Variants in CSMD1 observed in about 807,000 individuals in gnomAD.
CSMD1 encodes CUB and Sushi multiple domains 1.
A neutral mutation model predicts 417.5 loss-of-function variants in CSMD1; 213 were observed. That is an observed-to-expected ratio of 0.51 (90% CI 0.46 to 0.57). The LOEUF (loss-of-function observed/expected upper bound fraction) is 0.57, where lower values mean the gene tolerates loss of function less well. CSMD1 is among the 20% of genes least tolerant of loss of function. CSMD1 has a pLI of 0.00. For missense variants in CSMD1, 6,923 were observed against 4,529.7 expected (o/e 1.53, Z -15.17); for synonymous variants, 2,862 against 1,736.8 (o/e 1.65, Z -16.11).
At chr8:3,644,166 G>A (rs1585009614) in intron 7 of CSMD1, among the ~76,000 whole-genome samples, 1 of 152,334 alleles carries the variant, frequency 6.6e-6, no homozygotes, top group East Asian at 1.9e-4. Context: ...GGCCCCCAAT[G>A]TAGACTTACT....
rs191147345 is a variant in CSMD1 at position 3,612,609 on chromosome 8, C to G, written c.1097+4101G>C. Among the ~76,000 whole-genome samples, 5 of 152,232 alleles carry G rather than the reference C, an allele frequency of 3.3e-5. No homozygotes were observed. The East Asian group carries it at 5.8e-4, about 18-fold the overall frequency. On this transcript the variant is annotated intron_variant, in intron 8 of 69. Transcript: ENST00000635120. ...AAGTTCAGATCCTTTAAAGCATAAT[C>G]TCTAACCATGCAGATTCTTAGAAAA...
chr8:4,105,456 T>C (rs149220457), intron 3 of CSMD1, among the ~76,000 whole-genome samples: 229 of 152,348 alleles, frequency 1.5e-3, no homozygotes, highest in African/African-American at 5.3e-3. Flanking sequence ...GATGTATTCA[T>C]TCAGTAAATA....
chr8:4,127,694 A>C (rs941793576), intron 3 of CSMD1, among the ~76,000 whole-genome samples: 55 of 152,314 alleles, frequency 3.6e-4, no homozygotes, highest in Middle Eastern at 3.4e-3. Flanking sequence ...AATAATAGGC[A>C]GTCATGATGA....
At chr8:3,087,678 T>A (rs1814642386) in intron 48 of CSMD1, among the ~76,000 whole-genome samples, 1 of 152,202 alleles carries the variant, frequency 6.6e-6, no homozygotes, top group Admixed American at 6.5e-5. Context: ...TTATAATGTT[T>A]TAAGAAAGTT....
chr8:4,646,449 C>A (rs961609991), intron 1 of CSMD1, among the ~76,000 whole-genome samples: 2 of 152,048 alleles, frequency 1.3e-5, no homozygotes, highest in African/African-American at 4.8e-5. Context: ...TAAAATGTTT[C>A]CCTAAGTAGT....
chr8:4,498,013 G>T (rs931644606), intron 2 of CSMD1, among the ~76,000 whole-genome samples: 7 of 152,042 alleles, frequency 4.6e-5, no homozygotes, highest in African/African-American at 1.7e-4. Context: ...TAAACGTCCC[G>T]CAGCCCCAGG....
chr8:4,559,823 G>C (rs1311914490), intron 2 of CSMD1, among the ~76,000 whole-genome samples: 1 of 152,210 alleles, frequency 6.6e-6, no homozygotes, highest in Non-Finnish European at 1.5e-5. Context: ...TTCACTTCGT[G>C]AAATTCTATT....
intron 6 of CSMD1, among the ~76,000 whole-genome samples, chr8:3,732,639 T>G (rs1469689965): frequency 6.6e-6 from 1 of 152,194 alleles, no homozygotes; most frequent in East Asian, 1.9e-4. Context: ...TTTGGTTTGT[T>G]TGCTTGTTTG....
intron 1 of CSMD1, among the ~76,000 whole-genome samples, chr8:4,745,828 G>A (rs558739473): frequency 3.9e-5 from 6 of 152,218 alleles, no homozygotes; most frequent in Non-Finnish European, 5.9e-5. Flanking sequence ...GAGGGGTGAA[G>A]AAGATGCAAA....
chr8:4,747,343 T>C (rs1563280274), intron 1 of CSMD1, among the ~76,000 whole-genome samples: 1 of 152,196 alleles, frequency 6.6e-6, no homozygotes, highest in East Asian at 1.9e-4. Flanking sequence ...GAATTTGCTA[T>C]ATGATAGTTA....
chr8:4,088,098 G>A (rs867227119), intron 3 of CSMD1, among the ~76,000 whole-genome samples: 4 of 152,216 alleles, frequency 2.6e-5, no homozygotes, highest in Non-Finnish European at 5.9e-5. Flanking sequence ...CACAAAAGGA[G>A]AAAGAGGAAG....
At chr8:3,786,897 TCC>T in intron 5 of CSMD1, among the ~76,000 whole-genome samples, 1 of 152,072 alleles carries the variant, frequency 6.6e-6, no homozygotes, top group Non-Finnish European at 1.5e-5. Context: ...AAGCCCCACC[TCC>T]TAATACTAGC....
intron 2 of CSMD1, among the ~76,000 whole-genome samples, chr8:4,486,020 T>C (rs1004402284): frequency 1.1e-4 from 17 of 151,616 alleles, no homozygotes; most frequent in Non-Finnish European, 5.9e-5. Flanking sequence ...GCAATTATTT[T>C]TTTCTAGCAA....
At chr8:3,222,864 C>G (rs1003343512) in intron 28 of CSMD1, among the ~76,000 whole-genome samples, 1 of 152,106 alleles carries the variant, frequency 6.6e-6, no homozygotes, top group African/African-American at 2.4e-5. Context: ...TGACTCAGAT[C>G]TCATCAGGAG....
chr8:2,938,426 T>C lies in CSMD1; in HGVS notation c.*159A>G. The stretch of plus-strand genomic sequence containing the variant: ...TTGATCCGTAGAAGACCCTGACACA[T>C]TTGAGTAGAGATCCCCGCTGCACTT... On this transcript the variant is annotated 3_prime_UTR_variant, in exon 70 of 70. Transcript: ENST00000635120. 1 of 671,692 alleles carries C rather than the reference T, an allele frequency of 1.5e-6. No individual in the cohort carries two copies. The highest frequency in any genetic ancestry group is 2.2e-5 in the South Asian group (1 of 45,078). The allele number at this position is 671,692 out of a possible 1,614,324, so 41.6% of individuals were successfully genotyped here.
intron 5 of CSMD1, among the ~76,000 whole-genome samples, chr8:3,874,069 G>A (rs867245524): frequency 2.0e-5 from 3 of 152,158 alleles, no homozygotes; most frequent in African/African-American, 7.2e-5. Flanking sequence ...CTCAAATTTA[G>A]GAAGTTCTCT....
Position 3,351,997 on chromosome 8 carries a change from C to CT in CSMD1, c.3305-3837dup, listed in dbSNP as rs151231853. On this transcript the variant is annotated intron_variant, in intron 21 of 69. Transcript: ENST00000635120. ...GACAGTTTTGTTTTTGCTTTGTCAC[C>CT]TTTTTTTTCGGATTTTATGTGGAAG... 8.6e-3 allele frequency among the ~76,000 whole-genome samples: 1,305 copies of CT among 151,578 alleles called. 23 individuals carry two copies. Among genetic ancestry groups the CT allele is most frequent in the African/African-American group, 0.03 (1,237 of 41,330 alleles).
rs116256756 is a variant in CSMD1 at position 3,942,461 on chromosome 8, G to C, written c.818+55442C>G. Among the ~76,000 whole-genome samples, 1,493 of 152,140 alleles carry C rather than the reference G, an allele frequency of 9.8e-3. 21 individuals carry two copies. The highest frequency in any genetic ancestry group is 0.034 in the African/African-American group (1,396 of 41,502). ...GAACCACACCACACCTGGCCCATTT[G>C]ACTATTTCTACACAGATGCCTGGAT... On this transcript the variant is annotated intron_variant, in intron 5 of 69. Transcript: ENST00000635120.
Position 4,704,905 on chromosome 8 carries a change from G to C in CSMD1, c.86-67347C>G, listed in dbSNP as rs539322872. 3.3e-5 allele frequency among the ~76,000 whole-genome samples: 5 copies of C among 152,244 alleles called. No homozygotes were observed. In the East Asian group the frequency reaches 5.8e-4, roughly 18 times the overall value. ...ATGGTAAAGAAAACTGCTTAATTTT[G>C]TTTTAATAAAGTCTTAGTAAACTCC... On this transcript the variant is annotated intron_variant, in intron 1 of 69. Transcript: ENST00000635120.
Sources: gnomAD v4.1 joint callset for allele counts (sites outside exome capture counted in the v4.1 genomes callset) on GRCh38, gnomAD v4.1.1 for gene constraint, MANE v1.5 for transcripts, NCBI Gene and HGNC (gene_info 2026-07-23, HGNC 2026-07-21) for gene names.